Variants in WWC2 observed in about 807,000 individuals in gnomAD.
WWC2 encodes the protein WW and C2 domain containing 2, also known as protein WWC2.
WWC2 carries 101 observed loss-of-function variants against 138.5 expected under a neutral mutation model. The ratio of observed to expected loss-of-function variants is 0.73; its 90% CI spans 0.62 to 0.86. The LOEUF (loss-of-function observed/expected upper bound fraction) is 0.86, where lower values mean the gene tolerates loss of function less well. Ranked by LOEUF, WWC2 falls within the 40% of genes least tolerant of loss-of-function variation. The pLI is 0.00. For synonymous variants in WWC2, 558 were observed against 538.4 expected, an observed-to-expected ratio of 1.04 and a Z score of -0.50; for missense variants, 1,420 against 1,419.4, an observed-to-expected ratio of 1.00 and a Z score of -0.01.
intron 9 of WWC2, among the ~76,000 whole-genome samples, chr4:183,254,755 G>A (rs1351379559): frequency 6.6e-6 from 1 of 152,128 alleles, no homozygotes; most frequent in Non-Finnish European, 1.5e-5. Flanking sequence ...ACATCCTTTA[G>A]GCCAGCCAGT....
intron 2 of WWC2, among the ~76,000 whole-genome samples, chr4:183,203,779 G>A (rs1044225396): frequency 1.3e-5 from 2 of 152,142 alleles, no homozygotes; most frequent in Non-Finnish European, 1.5e-5. Flanking sequence ...GCTAGAACTT[G>A]CCGTTACATT....
At chr4:183,210,045 C>T (rs933708629) in intron 4 of WWC2, among the ~76,000 whole-genome samples, 20 of 152,116 alleles carry the variant, frequency 1.3e-4, no homozygotes, top group Non-Finnish European at 8.8e-5. Context: ...TCGAGATCCA[C>T]GTTCATTTTT....
chr4:183,319,400 T>C lies in WWC2; in HGVS notation c.*3671T>C. 4 of 817,682 alleles carry C rather than the reference T, an allele frequency of 4.9e-6. No homozygotes were observed. The highest frequency in any genetic ancestry group is 1.7e-5 in the African/African-American group (1 of 58,704). 50.7% of individuals were successfully genotyped at this position (817,682 alleles called of 1,614,324 possible). ...GTCTCAGACTAGAAGATAAAAATGG[T>C]TTACCAGTCTTGGAAAGAAACTATA... is the stretch of plus-strand genomic sequence containing the variant. On this transcript the variant is annotated 3_prime_UTR_variant, in exon 23 of 23. Coordinates refer to ENST00000403733, the MANE Select transcript of WWC2 (RefSeq NM_024949.6).
chr4:183,182,655 T>C (rs566029221), intron 1 of WWC2, among the ~76,000 whole-genome samples: 1,900 of 6,918 alleles, frequency 0.27, 28 homozygotes, highest in Middle Eastern at 0.5. Flanking sequence ...AATTCTGTTA[T>C]GTCTGTCACT....
At chr4:183,119,958 G>T (rs577317356) in intron 1 of WWC2, among the ~76,000 whole-genome samples, 10 of 152,084 alleles carry the variant, frequency 6.6e-5, no homozygotes, top group Non-Finnish European at 1.2e-4. Context: ...TTCATTCACA[G>T]AACTTAAATT....
At chr4:183,281,004 C>A (rs758814880) in intron 17 of WWC2, 107 bp downstream of exon 17, 1 of 1,395,066 alleles carries the variant, frequency 7.2e-7, no homozygotes, top group Non-Finnish European at 9.4e-7. Flanking sequence ...TGATGGAATG[C>A]ACTGCACCTT....
intron 2 of WWC2, among the ~76,000 whole-genome samples, chr4:183,205,734 CTGT>C (rs2111234984): frequency 6.6e-6 from 1 of 152,250 alleles, no homozygotes; most frequent in South Asian, 2.1e-4. Context: ...TTATTTAGCT[CTGT>C]TGTTAAGGTG....
rs1732492293 is a variant in WWC2, at chr4:183,118,333, A to G, written c.131+18711A>G. On this transcript the variant is annotated intron_variant, in intron 1 of 22. Transcript: ENST00000403733. ...CCTAGAAGTGTACAGGCAGTCACTA[A>G]ACTATGGTTAAAGAGGAATCTTTTC... Among the ~76,000 whole-genome samples, 7 of 152,338 alleles carry G rather than the reference A, an allele frequency of 4.6e-5. No homozygotes were observed. The South Asian group carries it at 1.5e-3, about 32-fold the overall frequency.
At chr4:183,196,808 C>T (rs1735156118) in intron 2 of WWC2, among the ~76,000 whole-genome samples, 2 of 152,234 alleles carry the variant, frequency 1.3e-5, no homozygotes, top group Admixed American at 6.5e-5. Context: ...TCAGGTGCCA[C>T]TGCTTCCCAC....
intron 4 of WWC2, among the ~76,000 whole-genome samples, chr4:183,234,674 T>G (rs75377999): frequency 0.032 from 4,839 of 152,218 alleles, 240 homozygotes; most frequent in African/African-American, 0.11. Flanking sequence ...AGGTCCCGGG[T>G]TCTTTACCAA....
chr4:183,108,184 T>C (rs1732104042), intron 1 of WWC2, among the ~76,000 whole-genome samples: 1 of 152,162 alleles, frequency 6.6e-6, no homozygotes, highest in Non-Finnish European at 1.5e-5. Context: ...ATTAAATTTA[T>C]TTTTGTTCAT....
chr4:183,233,556 T>C (rs1266475697), intron 4 of WWC2: 1 of 152,222 alleles, frequency 6.6e-6, no homozygotes, highest in Non-Finnish European at 1.5e-5. Context: ...AAATGTTTTA[T>C]GTAATTTTTC....
chr4:183,311,694 A>G (rs1739249118), intron 21 of WWC2, among the ~76,000 whole-genome samples: 1 of 149,590 alleles, frequency 6.7e-6, no homozygotes, highest in East Asian at 2.0e-4. Flanking sequence ...ATTCTGCCTC[A>G]GCTTCCTGAG....
At chr4:183,264,057 T>C (rs1225403359) in intron 11 of WWC2, among the ~76,000 whole-genome samples, 1 of 152,128 alleles carries the variant, frequency 6.6e-6, no homozygotes, top group Non-Finnish European at 1.5e-5. Context: ...AATCAATAAA[T>C]CATGTCATCA....
At chr4:183,260,760 C>A in intron 10 of WWC2, 150 bp from the exon 11 acceptor site, 1 of 1,062,782 alleles carries the variant, frequency 9.4e-7, no homozygotes, top group Non-Finnish European at 1.3e-6. Flanking sequence ...TGACACACGG[C>A]CGTAATATAG....
intron 22 of WWC2, among the ~76,000 whole-genome samples, 189 bp downstream of exon 22, chr4:183,312,657 G>A (rs569033143): frequency 1.3e-5 from 2 of 152,336 alleles, no homozygotes; most frequent in Non-Finnish European, 2.9e-5. Context: ...AAAGGCTGAT[G>A]AAAGCCTAAC....
At chr4:183,132,813 T>C (rs887199674) in intron 1 of WWC2, among the ~76,000 whole-genome samples, 2 of 152,132 alleles carry the variant, frequency 1.3e-5, no homozygotes, top group Non-Finnish European at 2.9e-5. Context: ...GTAGAAGTTA[T>C]ATTAAATACA....
chr4:183,222,873 C>T (rs1232111620), intron 4 of WWC2, among the ~76,000 whole-genome samples: 2 of 151,966 alleles, frequency 1.3e-5, no homozygotes, highest in Non-Finnish European at 2.9e-5. Context: ...AGCTGAGGCA[C>T]GAGAATCACT....
chr4:183,279,911 A>G (rs943449233), intron 16 of WWC2, among the ~76,000 whole-genome samples: 1 of 152,014 alleles, frequency 6.6e-6, no homozygotes, highest in Non-Finnish European at 1.5e-5. Context: ...CATTTCATTC[A>G]GTTATTTTAG....
Sources: allele counts gnomAD v4.1 joint callset (sites outside exome capture counted in the v4.1 genomes callset), GRCh38; gene constraint gnomAD v4.1.1; transcripts MANE v1.5; gene names NCBI Gene and HGNC (gene_info 2026-07-23, HGNC 2026-07-21).